UNC5C: variants seen among roughly 807,000 people sequenced by gnomAD.
UNC5C encodes the protein netrin receptor UNC5C.
A neutral mutation model predicts 99.8 loss-of-function variants in UNC5C; 47 were observed. That is an observed-to-expected ratio of 0.47 (90% CI 0.37 to 0.60). UNC5C has a LOEUF of 0.60. Among genes scored for constraint, UNC5C ranks in the 20% least tolerant of loss-of-function variants. The pLI is 0.00. For missense variants in UNC5C, 1,062 were observed against 1,165.9 expected, an observed-to-expected ratio of 0.91 and a Z score of 1.30; for synonymous variants, 487 against 452.2, an observed-to-expected ratio of 1.08 and a Z score of -0.98.
intron 1 of UNC5C, among the ~76,000 whole-genome samples, chr4:95,424,518 C>CTTTCTTTTTTTTTTTTTTTTTTTTTT (rs1746411107): frequency 7.4e-5 from 5 of 67,952 alleles, no homozygotes; most frequent in South Asian, 7.5e-4. Flanking sequence ...TTTTTCTTTT[C>CTTTCTTTTTTTTTTTTTTTTTTTTTT]TTTTTTTTTT....
intron 1 of UNC5C, among the ~76,000 whole-genome samples, chr4:95,546,094 C>T (rs1723054850): frequency 1.3e-5 from 2 of 152,174 alleles, no homozygotes; most frequent in Admixed American, 6.5e-5. Flanking sequence ...TTTTGCAGTA[C>T]TTCAGCAACA....
chr4:95,221,134 TAAAAC>T (rs1317270826), intron 7 of UNC5C, among the ~76,000 whole-genome samples: 1 of 152,164 alleles, frequency 6.6e-6, no homozygotes, highest in Non-Finnish European at 1.5e-5. Context: ...AGCTGATAAT[TAAAAC>T]AAACAAATGA....
chr4:95,246,919 G>A (rs1019417305), intron 5 of UNC5C, among the ~76,000 whole-genome samples: 1 of 151,958 alleles, frequency 6.6e-6, no homozygotes, highest in East Asian at 1.9e-4. Flanking sequence ...GCACATGCCT[G>A]TAGTCCCAGG....
At chr4:95,238,825 C>A (rs888544413) in intron 7 of UNC5C, among the ~76,000 whole-genome samples, 2 of 152,158 alleles carry the variant, frequency 1.3e-5, no homozygotes, top group African/African-American at 2.4e-5. Flanking sequence ...AAAGCTGTAT[C>A]TGATTTTTCA....
At chr4:95,391,173 G>A (rs1272450274) in intron 1 of UNC5C, among the ~76,000 whole-genome samples, 1 of 152,186 alleles carries the variant, frequency 6.6e-6, no homozygotes, top group Non-Finnish European at 1.5e-5. Flanking sequence ...ATGTGGAACT[G>A]TGAGTCCATT....
chr4:95,245,773 T>C (rs894839519), intron 5 of UNC5C, among the ~76,000 whole-genome samples: 1 of 152,224 alleles, frequency 6.6e-6, no homozygotes, highest in African/African-American at 2.4e-5. Context: ...TGATGTCTGA[T>C]GGAGCTGTCA....
In UNC5C at chr4:95,395,746, C is replaced by T. The variant is rs1426707411; in HGVS notation, c.125-60115G>A. 2.6e-5 allele frequency among the ~76,000 whole-genome samples: 4 copies of T among 152,266 alleles called. No individual in the cohort carries two copies. In the East Asian group the frequency reaches 7.7e-4, roughly 29 times the overall value. ...AAAGATCCACTATTTCTTCAGCAGA[C>T]AGGCCAAAAAAGCTGTAGGGCAGAG... On this transcript the variant is annotated intron_variant, in intron 1 of 15. Transcript: ENST00000453304.
At chr4:95,296,500 A>G (rs1431393230) in intron 3 of UNC5C, among the ~76,000 whole-genome samples, 1 of 152,188 alleles carries the variant, frequency 6.6e-6, no homozygotes, top group Non-Finnish European at 1.5e-5. Flanking sequence ...GAAAAAGAAT[A>G]TATCTACTCA....
At chr4:95,171,651 G>A (rs936121014) in intron 14 of UNC5C, among the ~76,000 whole-genome samples, 1 of 151,766 alleles carries the variant, frequency 6.6e-6, no homozygotes, top group Non-Finnish European at 1.5e-5. Flanking sequence ...TTGGACATTT[G>A]GGTTGGTTCC....
intron 1 of UNC5C, among the ~76,000 whole-genome samples, chr4:95,398,044 C>CTTTTTTTTTTTTTTTTTTT (rs34609153): frequency 2.9e-4 from 28 of 95,904 alleles, no homozygotes; most frequent in African/African-American, 6.4e-4. Context: ...CCAAATGTAG[C>CTTTTTTTTTTTTTTTTTTT]TTTTTTTTTT....
intron 1 of UNC5C, among the ~76,000 whole-genome samples, chr4:95,424,275 T>A (rs1746400144): frequency 6.6e-6 from 1 of 151,562 alleles, no homozygotes; most frequent in Non-Finnish European, 1.5e-5. Flanking sequence ...TCCAAGTGTA[T>A]GTGTGTGTGT....
intron 1 of UNC5C, among the ~76,000 whole-genome samples, chr4:95,524,524 C>A (rs1170084053): frequency 6.6e-6 from 1 of 152,128 alleles, no homozygotes; most frequent in African/African-American, 2.4e-5. Flanking sequence ...AAATTGAGAT[C>A]TGGGTTTTCT....
At chr4:95,280,821 G>T (rs1472773645) in intron 3 of UNC5C, among the ~76,000 whole-genome samples, 1 of 152,164 alleles carries the variant, frequency 6.6e-6, no homozygotes, top group Non-Finnish European at 1.5e-5. Flanking sequence ...GAGCCTCACA[G>T]CATAATAATC....
intron 2 of UNC5C, among the ~76,000 whole-genome samples, chr4:95,327,943 G>C (rs1742952820): frequency 6.6e-6 from 1 of 151,158 alleles, no homozygotes. Context: ...TCTTCACGGA[G>C]CTGTTAACAT....
At chr4:95,265,515 A>G (rs1740411897) in intron 4 of UNC5C, among the ~76,000 whole-genome samples, 1 of 152,234 alleles carries the variant, frequency 6.6e-6, no homozygotes, top group African/African-American at 2.4e-5. Context: ...TATAAATAAT[A>G]ACACACAACA....
chr4:95,227,063 C>T (rs1435671649), intron 7 of UNC5C, among the ~76,000 whole-genome samples: 2 of 152,028 alleles, frequency 1.3e-5, no homozygotes, highest in Non-Finnish European at 1.5e-5. Context: ...TACAGTGTGG[C>T]CTCAGCAACT....
At chr4:95,254,731 T>A (rs1560754886) in intron 4 of UNC5C, among the ~76,000 whole-genome samples, 1 of 152,192 alleles carries the variant, frequency 6.6e-6, no homozygotes, top group African/African-American at 2.4e-5. Flanking sequence ...TTACAACTCC[T>A]CCATAAACTT....
chr4:95,459,526 G>A (rs1747540724), intron 1 of UNC5C, among the ~76,000 whole-genome samples: 1 of 152,098 alleles, frequency 6.6e-6, no homozygotes, highest in Non-Finnish European at 1.5e-5. Context: ...AGACTCATAA[G>A]TCACATTGTA....
chr4:95,195,732 A>C (rs1279482879), intron 12 of UNC5C, among the ~76,000 whole-genome samples: 1 of 152,132 alleles, frequency 6.6e-6, no homozygotes, highest in Non-Finnish European at 1.5e-5. Context: ...ACAATTCTCA[A>C]CTAGACTTCC....
Sources: gnomAD v4.1 joint callset for allele counts (sites outside exome capture counted in the v4.1 genomes callset) on GRCh38, gnomAD v4.1.1 for gene constraint, MANE v1.5 for transcripts, NCBI Gene and HGNC (gene_info 2026-07-23, HGNC 2026-07-21) for gene names.